TRERF1: variants seen among roughly 807,000 people sequenced by gnomAD.
TRERF1 encodes the protein transcriptional-regulating factor 1.
Under a neutral mutation model 122.9 loss-of-function variants are expected in TRERF1, and 27 were observed. The observed-to-expected ratio is 0.22, with a 90% confidence interval of 0.16 to 0.30. The LOEUF (loss-of-function observed/expected upper bound fraction) is 0.30. TRERF1 is among the 10% of genes least tolerant of loss of function. The pLI is 1.00. For synonymous variants in TRERF1, 636 were observed against 641.7 expected (o/e 0.99, Z 0.13); for missense variants, 1,248 against 1,560.3 (o/e 0.80, Z 3.37).
chr6:42,272,670 C>G (rs1376806692), intron 4 of TRERF1, among the ~76,000 whole-genome samples: 2 of 152,154 alleles, frequency 1.3e-5, no homozygotes, highest in East Asian at 3.9e-4. Flanking sequence ...AGACAGTGAG[C>G]AGGGAGAGAG....
At chr6:42,353,186 A>G (rs907152374) in intron 3 of TRERF1, among the ~76,000 whole-genome samples, 9 of 152,160 alleles carry the variant, frequency 5.9e-5, no homozygotes, top group African/African-American at 2.2e-4. Flanking sequence ...ACACAAACAA[A>G]AAACAACCAA....
intron 3 of TRERF1, among the ~76,000 whole-genome samples, chr6:42,303,300 C>A (rs1057449048): frequency 1.3e-5 from 2 of 152,154 alleles, no homozygotes; most frequent in African/African-American, 4.8e-5. Context: ...TAGTGGTCCC[C>A]TAAAGAAACA....
exon 11 of TRERF1, chr6:42,257,084 C>G (rs1384105141): frequency 1.2e-6 from 2 of 1,614,214 alleles, no homozygotes; most frequent in Admixed American, 1.7e-5. Context: ...CTTGGAATCT[C>G]AAGCCAATGT....
intron 2 of TRERF1, among the ~76,000 whole-genome samples, chr6:42,383,707 G>C (rs894314905): frequency 6.6e-6 from 1 of 152,092 alleles, no homozygotes; most frequent in African/African-American, 2.4e-5. Flanking sequence ...GAATGCACAG[G>C]CTGCCCCAGT....
At chr6:42,443,054 T>C (rs1562221737) in intron 2 of TRERF1, among the ~76,000 whole-genome samples, 1 of 152,270 alleles carries the variant, frequency 6.6e-6, no homozygotes, top group Non-Finnish European at 1.5e-5. Context: ...GTTATTTCAG[T>C]GATGGCCTCC....
At chr6:42,389,213 C>G (rs1777304612) in intron 2 of TRERF1, among the ~76,000 whole-genome samples, 1 of 152,242 alleles carries the variant, frequency 6.6e-6, no homozygotes, top group African/African-American at 2.4e-5. Flanking sequence ...GGCTGTGGCA[C>G]AGGCAAGAAG....
At chr6:42,287,810 C>A (rs1426166740) in intron 4 of TRERF1, among the ~76,000 whole-genome samples, 1 of 152,118 alleles carries the variant, frequency 6.6e-6, no homozygotes, top group Non-Finnish European at 1.5e-5. Flanking sequence ...CCCCCTCCAG[C>A]CCTGACACAC....
chr6:42,323,081 T>A (rs1354162026), intron 3 of TRERF1, among the ~76,000 whole-genome samples: 1 of 151,618 alleles, frequency 6.6e-6, no homozygotes, highest in Non-Finnish European at 1.5e-5. Context: ...AAAAAATGGA[T>A]TCAACAAAAC....
chr6:42,235,457 A>C (rs1304295735), intron 16 of TRERF1, among the ~76,000 whole-genome samples: 2 of 152,246 alleles, frequency 1.3e-5, no homozygotes, highest in Non-Finnish European at 2.9e-5. Context: ...ATGGAGCCTT[A>C]GACAAGGCCA....
At chr6:42,231,926 T>TA (rs1451240450) in intron 17 of TRERF1, among the ~76,000 whole-genome samples, 2 of 152,160 alleles carry the variant, frequency 1.3e-5, no homozygotes, top group Admixed American at 6.5e-5. Context: ...AAAACAAAGA[T>TA]AAAAAAACAG....
At chr6:42,281,134 T>C (rs1782234789) in intron 4 of TRERF1, among the ~76,000 whole-genome samples, 1 of 152,136 alleles carries the variant, frequency 6.6e-6, no homozygotes, top group African/African-American at 2.4e-5. Context: ...CCCAAACCTG[T>C]CTGGACTTGC....
intron 4 of TRERF1, among the ~76,000 whole-genome samples, chr6:42,279,717 A>G (rs899953029): frequency 6.6e-6 from 1 of 152,134 alleles, no homozygotes; most frequent in African/African-American, 2.4e-5. Context: ...CATCCTGGCC[A>G]TGCACATTGA....
chr6:42,343,706 T>C (rs1030121339), intron 3 of TRERF1, among the ~76,000 whole-genome samples: 6 of 152,010 alleles, frequency 3.9e-5, no homozygotes, highest in Non-Finnish European at 7.4e-5. Flanking sequence ...AGGTATGGGG[T>C]TTGGTTGTAT....
intron 2 of TRERF1, among the ~76,000 whole-genome samples, chr6:42,380,485 C>A (rs1285236835): frequency 2.0e-5 from 3 of 152,256 alleles, no homozygotes; most frequent in African/African-American, 7.2e-5. Context: ...AAACCCTTCC[C>A]TTCTCTGGAC....
chr6:42,446,712 T>A (rs1315014758), intron 2 of TRERF1, among the ~76,000 whole-genome samples: 1 of 152,130 alleles, frequency 6.6e-6, no homozygotes. Flanking sequence ...AAAAAAACCC[T>A]CGTTCCGCAG....
intron 4 of TRERF1, among the ~76,000 whole-genome samples, chr6:42,279,630 C>T (rs1420871397): frequency 6.6e-6 from 1 of 152,196 alleles, no homozygotes; most frequent in Non-Finnish European, 1.5e-5. Flanking sequence ...GCCAGAACAG[C>T]CTCCGGCAGG....
At chr6:42,365,650 G>A (rs1359353674) in intron 2 of TRERF1, among the ~76,000 whole-genome samples, 2 of 152,206 alleles carry the variant, frequency 1.3e-5, no homozygotes, top group Non-Finnish European at 2.9e-5. Context: ...TGAAAGAGAT[G>A]AAGTAATTTG....
In TRERF1 at chr6:42,269,221, A is replaced by G; in HGVS notation, c.370T>C (p.Tyr124His). ...GTCCGGATCTCGCTGGCCTGGGAGT[A>G]GGTGTATTGGTAGCCATCAGTGGGC... Residue 124 changes from tyrosine to histidine, a missense_variant, in exon 5 of 18, where the codon TAC (tyrosine) becomes CAC (histidine). Transcript: ENST00000372922. The surrounding 1 kb of genome is among the most constrained non-coding windows in gnomAD (Gnocchi z 4.9). The G allele has an allele frequency of 6.2e-7, 1 of 1,614,152 alleles. No individual in the cohort carries two copies. The highest frequency in any genetic ancestry group is 8.5e-7 in the Non-Finnish European group (1 of 1,180,022).
intron 3 of TRERF1, among the ~76,000 whole-genome samples, chr6:42,327,451 G>A (rs1403611885): frequency 6.6e-6 from 1 of 152,170 alleles, no homozygotes; most frequent in Non-Finnish European, 1.5e-5. Flanking sequence ...TGACTGGAAT[G>A]CAAAGATGAT....
Sources: gnomAD v4.1 joint callset for allele counts (sites outside exome capture counted in the v4.1 genomes callset) on GRCh38, gnomAD v4.1.1 for gene constraint, Gnocchi (gnomAD v3.1) non-coding constraint, MANE v1.5 for transcripts, NCBI Gene and HGNC (gene_info 2026-07-23, HGNC 2026-07-21) for gene names.